FLI1: variants seen among roughly 807,000 people sequenced by gnomAD.
FLI1 encodes the protein Fli-1 proto-oncogene, ETS transcription factor.
In FLI1, 13 loss-of-function variants were observed where a neutral mutation model predicts 53.1. The observed-to-expected ratio is 0.24, with a 90% CI of 0.16 to 0.39. The LOEUF is 0.39. FLI1 is among the 10% of genes least tolerant of loss of function. FLI1 has a pLI of 1.00. For synonymous variants in FLI1, 244 were observed against 236.7 expected (o/e 1.03, Z -0.28); for missense variants, 424 against 600.5 (o/e 0.71, Z 3.07).
At chr11:128,742,572 T>C (rs1649976813) in intron 1 of FLI1, among the ~76,000 whole-genome samples, 2 of 152,236 alleles carry the variant, frequency 1.3e-5, no homozygotes, top group South Asian at 2.1e-4. Context: ...GAACTAAAGT[T>C]GACTAAAATT....
intron 3 of FLI1, 28 bp downstream of exon 3, chr11:128,768,300 G>A (rs761372623): frequency 1.4e-5 from 22 of 1,588,998 alleles, no homozygotes; most frequent in African/African-American, 9.1e-5. Context: ...CTGCCTGGGC[G>A]CCATTCACTT....
intron 8 of FLI1, among the ~76,000 whole-genome samples, chr11:128,809,874 T>G (rs1353231726): frequency 6.6e-6 from 1 of 152,052 alleles, no homozygotes; most frequent in Non-Finnish European, 1.5e-5. Context: ...CCCAGCATAT[T>G]CTGGGTATTT....
chr11:128,733,350 T>C (rs1204165876), intron 1 of FLI1, among the ~76,000 whole-genome samples: 5 of 152,110 alleles, frequency 3.3e-5, no homozygotes, highest in African/African-American at 1.2e-4. Flanking sequence ...TCAAGTGATT[T>C]TGAGGCAGCA....
intron 2 of FLI1, among the ~76,000 whole-genome samples, chr11:128,762,296 A>G (rs879929264): frequency 2.0e-5 from 3 of 152,242 alleles, no homozygotes; most frequent in Non-Finnish European, 2.9e-5. Context: ...ACAAAAAGAT[A>G]GGAGAGGATG....
chr11:128,689,933 T>TG (rs922046289), upstream of FLI1, among the ~76,000 whole-genome samples: 7 of 148,744 alleles, frequency 4.7e-5, no homozygotes, highest in Admixed American at 4.0e-4. Flanking sequence ...AGAACCAGCG[T>TG]GGGGAGCGGG....
At chr11:128,725,716 T>A (rs1591756591) in intron 1 of FLI1, among the ~76,000 whole-genome samples, 1 of 151,328 alleles carries the variant, frequency 6.6e-6, no homozygotes, top group Non-Finnish European at 1.5e-5. Flanking sequence ...TCAGGGCTGG[T>A]GGTTTCAAAA....
chr11:128,735,939 G>A (rs531963102), intron 1 of FLI1, among the ~76,000 whole-genome samples: 7 of 152,322 alleles, frequency 4.6e-5, no homozygotes, highest in South Asian at 4.1e-4. Flanking sequence ...ATCGAAACAC[G>A]TATCTAGAAT....
intron 5 of FLI1, among the ~76,000 whole-genome samples, chr11:128,803,237 A>ACCACCACACAACAC (rs1392851352): frequency 1.7e-5 from 2 of 118,056 alleles, no homozygotes; most frequent in Non-Finnish European, 3.7e-5. Context: ...CACCCCACAT[A>ACCACCACACAACAC]CCACAAGCTC....
rs570884414 is a variant in FLI1 at position 128,812,677 on chromosome 11, G to A, written c.*1689G>A. ...AGGCCATGGATAAACCTGTATGTAA[G>A]GACTGGAGCAAAGCGAGCTGGTCTA... On this transcript the variant is annotated 3_prime_UTR_variant, in exon 9 of 9. Coordinates refer to ENST00000527786, the MANE Select transcript of FLI1 (RefSeq NM_002017.5). 1.2e-4 allele frequency: 26 copies of A among 221,670 alleles called. No homozygotes were observed. Among genetic ancestry groups the A allele is most frequent in the African/African-American group, 5.8e-4 (26 of 44,946 alleles). The allele number at this position is 221,670 out of a possible 1,614,324, so 13.7% of individuals were successfully genotyped here.
chr11:128,771,781 G>A (rs1395522376), intron 3 of FLI1, among the ~76,000 whole-genome samples: 2 of 152,056 alleles, frequency 1.3e-5, no homozygotes, highest in Non-Finnish European at 2.9e-5. Context: ...TCGAACCACC[G>A]CCACACAGTC....
At chr11:128,764,582 G>T in intron 2 of FLI1, 1 of 1,409,804 alleles carries the variant, frequency 7.1e-7, no homozygotes. Flanking sequence ...AGCAGTGCAG[G>T]CAAGCTGAAT....
chr11:128,792,723 G>T (rs7125426), intron 5 of FLI1, among the ~76,000 whole-genome samples: 1 of 152,038 alleles, frequency 6.6e-6, no homozygotes, highest in Non-Finnish European at 1.5e-5. Flanking sequence ...ATCCTTTTGT[G>T]TTTAATACTA....
At chr11:128,805,293 A>C (rs1942747731) in intron 5 of FLI1, 73 bp from the exon 6 acceptor site, 2 of 859,868 alleles carry the variant, frequency 2.3e-6, no homozygotes, top group South Asian at 3.1e-5. Flanking sequence ...CCTGATCACT[A>C]CAGATAATGC....
At chr11:128,731,552 T>C (rs866647309) in intron 1 of FLI1, among the ~76,000 whole-genome samples, 3 of 140,796 alleles carry the variant, frequency 2.1e-5, no homozygotes, top group Non-Finnish European at 4.7e-5. Flanking sequence ...AAAACAAAAA[T>C]AAAACAAAAA....
chr11:128,700,805 G>C (rs1938296682), intron 1 of FLI1, among the ~76,000 whole-genome samples: 1 of 152,066 alleles, frequency 6.6e-6, no homozygotes, highest in Non-Finnish European at 1.5e-5. Context: ...GCCAAGGGAG[G>C]TCAAGGCTAC....
chr11:128,743,636 G>A (rs1473730947), intron 1 of FLI1, among the ~76,000 whole-genome samples: 1 of 152,122 alleles, frequency 6.6e-6, no homozygotes, highest in East Asian at 1.9e-4. Context: ...AGACAGACAG[G>A]CATGGCTCTG....
At chr11:128,758,993 C>T (rs1415172812) in intron 2 of FLI1, among the ~76,000 whole-genome samples, 2 of 152,232 alleles carry the variant, frequency 1.3e-5, no homozygotes, top group African/African-American at 2.4e-5. Context: ...TCATCGAAAC[C>T]CCTCAGAGCA....
At chr11:128,746,832 A>G (rs1222625467) in intron 1 of FLI1, among the ~76,000 whole-genome samples, 1 of 152,234 alleles carries the variant, frequency 6.6e-6, no homozygotes, top group East Asian at 1.9e-4. Flanking sequence ...AAAAATGTCC[A>G]GGAGCTGGGA....
chr11:128,700,422 G>A (rs1369896925), intron 1 of FLI1, among the ~76,000 whole-genome samples: 2 of 152,192 alleles, frequency 1.3e-5, no homozygotes, highest in African/African-American at 4.8e-5. Flanking sequence ...ATCTAAGCCT[G>A]GCCTTGAAAG....
Sources: gnomAD v4.1 joint callset for allele counts (sites outside exome capture counted in the v4.1 genomes callset) on GRCh38, gnomAD v4.1.1 for gene constraint, MANE v1.5 for transcripts, NCBI Gene and HGNC (gene_info 2026-07-23, HGNC 2026-07-21) for gene names.